Variants in HSPA14 observed in about 807,000 individuals in gnomAD.
The protein encoded by HSPA14 is heat shock 70 kDa protein 14.
Under a neutral mutation model 65.5 loss-of-function variants are expected in HSPA14, and 37 were observed. That is an observed-to-expected ratio of 0.56 (90% CI 0.43 to 0.74). The LOEUF (loss-of-function observed/expected upper bound fraction) is 0.74, where lower values mean the gene tolerates loss of function less well. HSPA14 is among the 30% of genes least tolerant of loss of function. The probability of loss-of-function intolerance (pLI) is 0.00; values close to 1 mark genes in which losing one functional copy is unlikely to be tolerated. For missense variants in HSPA14, 564 were observed against 607.6 expected (o/e 0.93, Z 0.75); for synonymous variants, 203 against 214.2 (o/e 0.95, Z 0.46).
At chr10:14,846,311 G>A (rs758516489) in intron 3 of HSPA14, 3 of 985,214 alleles carry the variant, frequency 3.0e-6, no homozygotes, top group Non-Finnish European at 2.4e-6. Flanking sequence ...TCTATTAATG[G>A]TAGCAAAGTG....
chr10:14,864,894 G>C (rs544843265), intron 10 of HSPA14, among the ~76,000 whole-genome samples: 1 of 152,124 alleles, frequency 6.6e-6, no homozygotes, highest in African/African-American at 2.4e-5. Flanking sequence ...CTGAGGAATC[G>C]CCACACTGTC....
intron 10 of HSPA14, among the ~76,000 whole-genome samples, chr10:14,862,030 A>ATT (rs140405636): frequency 1.5e-5 from 2 of 133,764 alleles, no homozygotes. Context: ...AAAGAAATAG[A>ATT]TTTTTTTTTT....
intron 10 of HSPA14, among the ~76,000 whole-genome samples, chr10:14,858,998 CT>C (rs535582740): frequency 6.6e-6 from 1 of 151,968 alleles, no homozygotes; most frequent in Non-Finnish European, 1.5e-5. Context: ...GAGAGTTTGG[CT>C]TTTTTTGGAA....
chr10:14,868,752 A>AGC (rs1832828464), intron 12 of HSPA14, among the ~76,000 whole-genome samples: 1 of 152,246 alleles, frequency 6.6e-6, no homozygotes, highest in Non-Finnish European at 1.5e-5. Context: ...TTGACACCTT[A>AGC]TACTGAATTT....
At chr10:14,856,055 G>T in intron 10 of HSPA14, 112 bp downstream of exon 10, 1 of 670,748 alleles carries the variant, frequency 1.5e-6, no homozygotes, top group Non-Finnish European at 2.6e-6. Context: ...AATTTTCTTA[G>T]ATTGTGTTAA....
rs777550713 is a variant in HSPA14, at chr10:14,855,940, C to T, written c.990C>T (p.Asn330=). The T allele has an allele frequency of 2.0e-6, 3 of 1,520,722 alleles. No individual in the cohort carries two copies. Among genetic ancestry groups the T allele is most frequent in the Admixed American group, 1.7e-5 (1 of 59,204 alleles). 94.2% of individuals were successfully genotyped at this position (1,520,722 alleles called of 1,614,324 possible). The change falls in exon 10 of 14, where the codon AAC becomes AAT. Residue 330 remains asparagine, a synonymous_variant. Coordinates refer to ENST00000378372, the MANE Select transcript of HSPA14 (RefSeq NM_016299.4). ...ATGGATTTACAGCAGATGATATCAA[C>T]AAGGTAATGCTTTTACATTTTTCTT... ...DQNGFTADDI[N]KVVLCGGSSR...
At position 14,870,669 on chromosome 10, in the gene HSPA14, TA is replaced by T. The variant is rs774105380; in HGVS notation, c.1451+8del. On this transcript the variant is annotated splice_donor_region_variant and intron_variant, in intron 13 of 13. Coordinates refer to ENST00000378372, the MANE Select transcript of HSPA14 (RefSeq NM_016299.4). ...ATTAGCTGTTCTTACTATGAAAAGG[TA>T]AAAAATTAAACTTCTGTTGTTAAGA... is the stretch of plus-strand genomic sequence containing the variant. The T allele has an allele frequency of 1.0e-5, 16 of 1,557,628 alleles. No homozygotes were observed. The Admixed American group carries it at 2.8e-4, about 27-fold the overall frequency.
In HSPA14 at chr10:14,848,591, ATCTT is replaced by A. The variant is rs1204412964; in HGVS notation, c.222-12_222-9del. Reference sequence around the variant, plus strand: ...CTGATTTTAATACTTAGCTATCTTTATCTTTCTTTATGGACAGCTCCAGTGATCC... The same window carrying A: ...CTGATTTTAATACTTAGCTATCTTTATCTTTATGGACAGCTCCAGTGATCC... On this transcript the variant is annotated splice_polypyrimidine_tract_variant and intron_variant, in intron 3 of 13. Transcript: ENST00000378372. The A allele has an allele frequency of 5.6e-6, 9 of 1,593,324 alleles. No individual in the cohort carries two copies. Among genetic ancestry groups the A allele is most frequent in the African/African-American group, 4.0e-5 (3 of 74,326 alleles).
At chr10:14,849,431 A>AG in intron 5 of HSPA14, 1 of 545,896 alleles carries the variant, frequency 1.8e-6, no homozygotes, top group Non-Finnish European at 3.6e-6. Context: ...TGGATGCGTT[A>AG]GGAGCTTATT....
chr10:14,852,592 T>A (rs1248925601), intron 8 of HSPA14, 61 bp downstream of exon 8: 2 of 1,347,044 alleles, frequency 1.5e-6, no homozygotes, highest in Admixed American at 2.5e-5. Context: ...ATATTTTAAT[T>A]TTTTTTCCTA....
chr10:14,849,315 A>G, intron 5 of HSPA14: 1 of 436,518 alleles, frequency 2.3e-6, no homozygotes, highest in Middle Eastern at 5.7e-4. Context: ...TCTGGAATAG[A>G]TTGTTTATAA....
intron 3 of HSPA14, chr10:14,846,315 C>G (rs1841343889): frequency 1.0e-6 from 1 of 985,316 alleles, no homozygotes; most frequent in African/African-American, 1.7e-5. Flanking sequence ...TTAATGGTAG[C>G]AAAGTGCATA....
At chr10:14,861,877 T>G (rs1832752604) in intron 10 of HSPA14, among the ~76,000 whole-genome samples, 1 of 151,716 alleles carries the variant, frequency 6.6e-6, no homozygotes, top group African/African-American at 2.4e-5. Flanking sequence ...CTGGGCGTGA[T>G]GGTGCGCGCC....
At chr10:14,848,497 T>A in intron 3 of HSPA14, 112 bp from the exon 4 acceptor site, 1 of 682,662 alleles carries the variant, frequency 1.5e-6, no homozygotes, top group East Asian at 2.8e-5. Flanking sequence ...ATAACTTTGT[T>A]AATATTTTAG....
chr10:14,845,407 G>A, intron 3 of HSPA14: 2 of 985,332 alleles, frequency 2.0e-6, no homozygotes, highest in Non-Finnish European at 2.4e-6. Flanking sequence ...TGGAGAAATG[G>A]TCAGAGCAGC....
Position 14,854,599 on chromosome 10 carries a change from CTAA to C in HSPA14, c.890+327_890+329del, listed in dbSNP as rs374905449. Among the ~76,000 whole-genome samples, 37 of 152,248 alleles carry C rather than the reference CTAA, an allele frequency of 2.4e-4. 1 individual carries two copies. The South Asian group carries it at 3.9e-3, about 16-fold the overall frequency. ...CTGTAGTCTTTGTGTTGCATATTTG[CTAA>C]TAATAATGATACGGCCTATTCAAAC... On this transcript the variant is annotated intron_variant, in intron 9 of 13. Coordinates refer to ENST00000378372, the MANE Select transcript of HSPA14 (RefSeq NM_016299.4).
intron 6 of HSPA14, among the ~76,000 whole-genome samples, 192 bp downstream of exon 6, chr10:14,850,003 G>T (rs542248579): frequency 2.4e-4 from 37 of 152,204 alleles, no homozygotes; most frequent in African/African-American, 7.2e-4. Flanking sequence ...GGTGGTTCAC[G>T]CCTGTAATCC....
chr10:14,844,494 A>G, intron 3 of HSPA14: 1 of 754,664 alleles, frequency 1.3e-6, no homozygotes, highest in Non-Finnish European at 1.5e-6. Context: ...AGACGACTAT[A>G]AGCACAACCT....
chr10:14,865,122 T>C (rs1050904881), intron 10 of HSPA14, among the ~76,000 whole-genome samples: 2 of 152,248 alleles, frequency 1.3e-5, no homozygotes, highest in African/African-American at 4.8e-5. Context: ...AATGTCTTCT[T>C]TTGAGAAGTG....
Sources: gnomAD v4.1 joint callset for allele counts (sites outside exome capture counted in the v4.1 genomes callset) on GRCh38, gnomAD v4.1.1 for gene constraint, MANE v1.5 for transcripts, NCBI Gene and HGNC (gene_info 2026-07-23, HGNC 2026-07-21) for gene names.